Variants in EPG5 observed in about 807,000 individuals in gnomAD.
The protein encoded by EPG5 is ectopic P granules protein 5 homolog.
A neutral mutation model predicts 302.7 loss-of-function variants in EPG5; 159 were observed. That is an observed-to-expected ratio of 0.53 (90% CI 0.46 to 0.60). EPG5 has a LOEUF of 0.60. Ranked by LOEUF, EPG5 falls within the 20% of genes least tolerant of loss-of-function variation. EPG5 has a pLI of 0.00. For missense variants in EPG5, 2,896 were observed against 3,092.4 expected (o/e 0.94, Z 1.51); for synonymous variants, 1,158 against 1,136.8 (o/e 1.02, Z -0.37).
At chr18:45,966,439 TATATGTATATATGTGTAC>T (rs1409954359) in intron 1 of EPG5, among the ~76,000 whole-genome samples, 66 of 152,096 alleles carry the variant, frequency 4.3e-4, no homozygotes, top group Middle Eastern at 6.9e-3. Flanking sequence ...TATGTACGTA[TATATGTATATATGTGTAC>T]ATATGTATAT....
chr18:45,855,561 G>A lies in EPG5; in HGVS notation c.7557+12C>T, dbSNP rs2048499093. On this transcript the variant is annotated intron_variant, in intron 43 of 43. Coordinates refer to ENST00000282041, the MANE Select transcript of EPG5 (RefSeq NM_020964.3). ...GCAGGCAAACTTCTAACCCTTCATT[G>A]TATATACTGACCTGCTGAGCTTTGG... is the stretch of plus-strand genomic sequence containing the variant. The A allele has an allele frequency of 1.2e-6, 2 of 1,604,096 alleles. No homozygotes were observed. The highest frequency in any genetic ancestry group is 1.3e-5 in the African/African-American group (1 of 74,818).
At position 45,884,740 on chromosome 18, in the gene EPG5, G is replaced by A. The variant is rs2145444412; in HGVS notation, c.5181C>T (p.Cys1727=). 1 of 1,607,064 alleles carries A rather than the reference G, an allele frequency of 6.2e-7. No homozygotes were observed. The highest frequency in any genetic ancestry group is 1.1e-5 in the South Asian group (1 of 90,050). The change falls in exon 30 of 44, where the codon TGC becomes TGT. Residue 1727 remains cysteine (C), a synonymous_variant. Coordinates refer to ENST00000282041, the MANE Select transcript of EPG5 (RefSeq NM_020964.3). The part of the protein sequence containing the change: ...LETILKNSRL[C]SLLSPFFTPN... ...GAGTGAAGAAAGGAGACAGCAGGGAGCAGAGCCTGCTGTTCTTCAGAATGG... is the reference window on the plus strand; with the variant it reads ...GAGTGAAGAAAGGAGACAGCAGGGAACAGAGCCTGCTGTTCTTCAGAATGG...
intron 30 of EPG5, 44 bp downstream of exon 30, chr18:45,884,573 T>G: frequency 6.6e-7 from 1 of 1,515,698 alleles, no homozygotes; most frequent in South Asian, 1.2e-5. Flanking sequence ...GCAACAATCA[T>G]TCCTACGTTT....
chr18:45,888,313 A>AT (rs199641660), intron 28 of EPG5, among the ~76,000 whole-genome samples: 6,043 of 150,304 alleles, frequency 0.04, 363 homozygotes, highest in African/African-American at 0.13. Flanking sequence ...TTATTTATTT[A>AT]TTTATTTTTT....
chr18:45,806,699 C>G, the EPG5 span, among the ~76,000 whole-genome samples: 4 of 152,088 alleles, frequency 2.6e-5, no homozygotes, highest in African/African-American at 9.7e-5. Flanking sequence ...GCAGAGGAAG[C>G]AATGAGGAAA....
chr18:45,847,198 A>G (rs934959031), downstream of EPG5, among the ~76,000 whole-genome samples: 6 of 152,226 alleles, frequency 3.9e-5, no homozygotes, highest in African/African-American at 1.4e-4. Context: ...GCATCTTACA[A>G]ATGTGAGTGA....
At chr18:45,877,985 T>C (rs573549568) in intron 34 of EPG5, among the ~76,000 whole-genome samples, 1 of 152,318 alleles carries the variant, frequency 6.6e-6, no homozygotes, top group Middle Eastern at 3.4e-3. Context: ...GATTTAAAGG[T>C]AATTCCCACC....
At chr18:45,939,209 G>C (rs2050606823) in intron 10 of EPG5, among the ~76,000 whole-genome samples, 1 of 152,178 alleles carries the variant, frequency 6.6e-6, no homozygotes, top group African/African-American at 2.4e-5. Flanking sequence ...AAGGCAAATT[G>C]AACAATAAAA....
At chr18:45,920,809 A>G (rs928889048) in intron 16 of EPG5, among the ~76,000 whole-genome samples, 17 of 152,238 alleles carry the variant, frequency 1.1e-4, no homozygotes, top group African/African-American at 4.1e-4. Context: ...TTAGGGGGAC[A>G]AACATCCAAA....
At chr18:45,897,761 T>C (rs1032235326) in intron 27 of EPG5, among the ~76,000 whole-genome samples, 1 of 152,014 alleles carries the variant, frequency 6.6e-6, no homozygotes, top group African/African-American at 2.4e-5. Context: ...TTGAAAGTAA[T>C]GAAAAATACA....
At position 45,967,207 on chromosome 18, in the gene EPG5, G is replaced by C. The variant is rs539082493; in HGVS notation, c.33C>G (p.Ala11=). 845 of 1,606,038 alleles carry C rather than the reference G, an allele frequency of 5.3e-4. 11 individuals are homozygous for C. The South Asian group carries it at 9.0e-3, about 17-fold the overall frequency. MAEAVKPQRR[A]KAKASRTKTK... is the part of the protein sequence containing the mutation. ...TTTTAGTCCGGCTGGCCTTGGCCTT[G>C]GCCCGGCGCTGGGGCTTCACCGCCT... Residue 11 remains alanine (A), a synonymous_variant, in exon 1 of 44, where the codon GCC becomes GCG. Transcript: ENST00000282041.
At position 45,913,696 on chromosome 18, in the gene EPG5, C is replaced by T. The variant is rs1403381760; in HGVS notation, c.3816+10G>A. The T allele has an allele frequency of 6.8e-6, 11 of 1,613,786 alleles. No individual in the cohort carries two copies. Among genetic ancestry groups the T allele is most frequent in the East Asian group, 2.2e-5 (1 of 44,858 alleles). On this transcript the variant is annotated intron_variant, in intron 21 of 43. Transcript: ENST00000282041. ...CTTCTACCACTCAAATGCAGAACTG[C>T]TATTTGTACCTTCAGAGCTTGGTCA...
chr18:45,960,066 C>G (rs1477808254), intron 1 of EPG5, among the ~76,000 whole-genome samples: 1 of 152,012 alleles, frequency 6.6e-6, no homozygotes, highest in African/African-American at 2.4e-5. Context: ...ATCCCTTGAG[C>G]CCAAGAGTTT....
At chr18:45,892,078 G>C (rs1253125489) in intron 27 of EPG5, among the ~76,000 whole-genome samples, 1 of 152,158 alleles carries the variant, frequency 6.6e-6, no homozygotes, top group Non-Finnish European at 1.5e-5. Flanking sequence ...AAAGGATCCA[G>C]AGACCACTTG....
At chr18:45,882,672 A>C (rs2049122951) in intron 30 of EPG5, among the ~76,000 whole-genome samples, 185 bp from the exon 31 acceptor site, 2 of 152,130 alleles carry the variant, frequency 1.3e-5, no homozygotes, top group Admixed American at 6.5e-5. Flanking sequence ...TAAAATAAAT[A>C]AATAAATAAT....
the EPG5 span, among the ~76,000 whole-genome samples, chr18:45,838,354 G>C: frequency 6.6e-6 from 1 of 152,148 alleles, no homozygotes; most frequent in Non-Finnish European, 1.5e-5. Context: ...CTGAACCAGG[G>C]TCCCGTCCCT....
At chr18:45,854,542 T>C (rs908449262) in intron 43 of EPG5, among the ~76,000 whole-genome samples, 1 of 152,044 alleles carries the variant, frequency 6.6e-6, no homozygotes, top group Non-Finnish European at 1.5e-5. Flanking sequence ...CTCTCTCTCT[T>C]TCCTCATCCA....
At chr18:45,946,905 C>T (rs1410543419) in intron 6 of EPG5, 137 bp from the exon 7 acceptor site, 1 of 668,710 alleles carries the variant, frequency 1.5e-6, no homozygotes, top group African/African-American at 1.8e-5. Context: ...TAAGAACTGG[C>T]CAAAAACCAA....
chr18:45,858,668 A>G lies in EPG5; in HGVS notation c.7124T>C (p.Leu2375Pro). The G allele has an allele frequency of 1.2e-6, 2 of 1,614,206 alleles. No homozygotes were observed. Among genetic ancestry groups the G allele is most frequent in the East Asian group, 2.2e-5 (1 of 44,876 alleles). Residue 2375 changes from leucine to proline, a missense_variant, in exon 41 of 44, where the codon CTT becomes CCT. Transcript: ENST00000282041. ...ECLTLGSYLT[L>P]YVYLLQCLNS... is the part of the protein sequence containing the mutation. Reference sequence around the variant, plus strand: ...TAAACACTGAAGCAAGTAGACGTAAAGAGTCAAGTAACTGCCCAAGGTGAG... The same window carrying G: ...TAAACACTGAAGCAAGTAGACGTAAGGAGTCAAGTAACTGCCCAAGGTGAG...
Sources: allele counts gnomAD v4.1 joint callset (sites outside exome capture counted in the v4.1 genomes callset), GRCh38; gene constraint gnomAD v4.1.1; transcripts MANE v1.5; gene names NCBI Gene and HGNC (gene_info 2026-07-23, HGNC 2026-07-21).